Variants in AUH observed in about 807,000 individuals in gnomAD.
AUH encodes the protein methylglutaconyl-CoA hydratase, mitochondrial.
A neutral mutation model predicts 42.3 loss-of-function variants in AUH; 29 were observed. The observed-to-expected ratio is 0.69, with a 90% CI of 0.51 to 0.93. AUH has a LOEUF of 0.93. AUH is among the 40% of genes least tolerant of loss of function. The probability of loss-of-function intolerance (pLI) is 0.00; values close to 1 mark genes in which losing one functional copy is unlikely to be tolerated. For synonymous variants in AUH, 174 were observed against 166.4 expected (o/e 1.05, Z -0.35); for missense variants, 452 against 438.1 (o/e 1.03, Z -0.28).
intron 6 of AUH, among the ~76,000 whole-genome samples, chr9:91,263,975 A>G (rs1829835193): frequency 6.6e-6 from 1 of 152,186 alleles, no homozygotes; most frequent in Admixed American, 6.5e-5. Flanking sequence ...TGGAGCCACA[A>G]CACACTTTTC....
chr9:91,326,393 A>G (rs1424861606), intron 3 of AUH, among the ~76,000 whole-genome samples: 1 of 152,314 alleles, frequency 6.6e-6, no homozygotes, highest in East Asian at 1.9e-4. Flanking sequence ...ATGTACAATA[A>G]AATTCAAGGG....
At chr9:91,218,247 T>C (rs1587615363) in intron 7 of AUH, among the ~76,000 whole-genome samples, 3 of 152,212 alleles carry the variant, frequency 2.0e-5, no homozygotes, top group African/African-American at 7.2e-5. Flanking sequence ...TTCCAAATCA[T>C]GTTTACAAAT....
intron 6 of AUH, 79 bp downstream of exon 6, chr9:91,295,942 C>T: frequency 1.3e-6 from 2 of 1,507,712 alleles, no homozygotes; most frequent in Non-Finnish European, 1.8e-6. Context: ...GTTGCCTTTC[C>T]AATTAACATG....
chr9:91,316,308 T>C (rs1829152011), intron 4 of AUH, among the ~76,000 whole-genome samples: 1 of 152,192 alleles, frequency 6.6e-6, no homozygotes, highest in Non-Finnish European at 1.5e-5. Flanking sequence ...CACCCCTATG[T>C]GTTTACTGGG....
chr9:91,338,273 G>A (rs983457995), intron 3 of AUH, among the ~76,000 whole-genome samples: 1 of 152,172 alleles, frequency 6.6e-6, no homozygotes, highest in African/African-American at 2.4e-5. Context: ...TTTCTGAAAC[G>A]TGATGACACC....
chr9:91,324,686 C>T (rs1829847524), intron 4 of AUH, among the ~76,000 whole-genome samples: 1 of 148,928 alleles, frequency 6.7e-6, no homozygotes, highest in South Asian at 2.1e-4. Flanking sequence ...TATATGCTGG[C>T]AGGAATGTGA....
Position 91,338,863 on chromosome 9 carries a change from C to G in AUH, c.419-13459G>C, listed in dbSNP as rs557283777. 1.4e-4 allele frequency among the ~76,000 whole-genome samples: 21 copies of G among 152,302 alleles called. No individual in the cohort carries two copies. In the South Asian group the frequency reaches 4.3e-3, roughly 32 times the overall value. On this transcript the variant is annotated intron_variant, in intron 3 of 9. Coordinates refer to ENST00000375731, the MANE Select transcript of AUH (RefSeq NM_001698.3). ...AACTAATGAGACTCACTAACACCCT[C>G]AAGGGTGGGAACTGGAGGGAAGAGA...
At chr9:91,288,734 G>A (rs1564067683) in intron 6 of AUH, among the ~76,000 whole-genome samples, 4 of 151,934 alleles carry the variant, frequency 2.6e-5, no homozygotes, top group East Asian at 1.9e-4. Context: ...ATTCCTTCAC[G>A]TCTTTCTTTT....
intron 7 of AUH, 141 bp downstream of exon 7, chr9:91,220,664 C>G (rs768353046): frequency 6.8e-5 from 54 of 790,602 alleles, no homozygotes; most frequent in Non-Finnish European, 1.0e-4. Context: ...TGTAACTGCT[C>G]TAGTTTTACA....
intron 3 of AUH, among the ~76,000 whole-genome samples, chr9:91,344,406 C>T (rs1831329703): frequency 6.6e-6 from 1 of 152,154 alleles, no homozygotes; most frequent in African/African-American, 2.4e-5. Context: ...CTTATGTCTC[C>T]CTAAAATGTA....
chr9:91,298,068 G>A lies in AUH; in HGVS notation c.514C>T (p.Pro172Ser), dbSNP rs1243652926. The A allele has an allele frequency of 6.2e-7, 1 of 1,613,324 alleles. No homozygotes were observed. The highest frequency in any genetic ancestry group is 2.2e-5 in the East Asian group (1 of 44,850). The part of the protein sequence containing the change: ...RAVINDIANL[P>S]VPTIAAIDGL... ...TCTATTGCTGCAATTGTTGGTACTGGAAGATTAGCTGAAATGGAAAGAAAA... is the reference window on the plus strand; with the variant it reads ...TCTATTGCTGCAATTGTTGGTACTGAAAGATTAGCTGAAATGGAAAGAAAA... The change falls in exon 5 of 10, where the codon CCA becomes TCA. Residue 172 changes from proline to serine, a missense_variant. Coordinates refer to ENST00000375731, the MANE Select transcript of AUH (RefSeq NM_001698.3).
intron 6 of AUH, among the ~76,000 whole-genome samples, chr9:91,241,729 C>T (rs1195558715): frequency 6.6e-6 from 1 of 152,010 alleles, no homozygotes; most frequent in Admixed American, 6.5e-5. Context: ...AAACTTAATA[C>T]CTTGATATCT....
intron 3 of AUH, among the ~76,000 whole-genome samples, chr9:91,330,048 C>A (rs1830218688): frequency 6.6e-6 from 1 of 152,012 alleles, no homozygotes; most frequent in Admixed American, 6.6e-5. Context: ...ATAAAACAGT[C>A]ATTATTAGCA....
At chr9:91,262,946 T>C (rs906791181) in intron 6 of AUH, among the ~76,000 whole-genome samples, 2 of 152,226 alleles carry the variant, frequency 1.3e-5, no homozygotes, top group African/African-American at 4.8e-5. Flanking sequence ...AAGTTGCAAG[T>C]GGCCATGGCA....
intron 6 of AUH, among the ~76,000 whole-genome samples, chr9:91,280,213 C>T (rs1489260182): frequency 6.6e-6 from 1 of 152,202 alleles, no homozygotes; most frequent in Non-Finnish European, 1.5e-5. Context: ...CCTTGATTAA[C>T]TTTCTACATA....
chr9:91,326,912 G>A (rs1830001204), intron 3 of AUH, among the ~76,000 whole-genome samples: 1 of 152,094 alleles, frequency 6.6e-6, no homozygotes, highest in African/African-American at 2.4e-5. Flanking sequence ...ACTGTTCTTT[G>A]AGGCCCAGTA....
intron 4 of AUH, among the ~76,000 whole-genome samples, chr9:91,324,547 TAAAAAAA>T: frequency 1.1e-5 from 1 of 90,694 alleles, no homozygotes; most frequent in Non-Finnish European, 2.4e-5. Flanking sequence ...TAAAACCAAA[TAAAAAAA>T]AAAAAAGAAA....
chr9:91,286,438 T>C (rs1042938290), intron 6 of AUH, among the ~76,000 whole-genome samples: 1 of 152,084 alleles, frequency 6.6e-6, no homozygotes, highest in Non-Finnish European at 1.5e-5. Flanking sequence ...AATTTGGAAA[T>C]AGTCAGCCAA....
In AUH at chr9:91,220,992, C is replaced by T. The variant is rs1827104191; in HGVS notation, c.656G>A (p.Gly219Glu). Residue 219 changes from glycine to glutamate, a missense_variant and splice_region_variant, in exon 7 of 10, where the codon GGG becomes GAG. Physicochemically the swap from Gly to Glu is moderately conservative, Grantham distance 98. Transcript: ENST00000375731. ...ETKLAIIPGG[G>E]GTQRLPRAIG... ...GGCGCGTGGCAATCGCTGTGTCCCC[C>T]CTGAGGGGTGAAAGAGAGAGAAAAG... 2.5e-6 allele frequency: 4 copies of T among 1,613,964 alleles called. No homozygotes were observed. The African/African-American group carries it at 4.0e-5, about 16-fold the overall frequency.
Sources: gnomAD v4.1 joint callset for allele counts (sites outside exome capture counted in the v4.1 genomes callset) on GRCh38, gnomAD v4.1.1 for gene constraint, MANE v1.5 for transcripts, NCBI Gene and HGNC (gene_info 2026-07-23, HGNC 2026-07-21) for gene names.